Variants in NBAS observed in about 807,000 individuals in gnomAD.
NBAS encodes the protein NAG/BC035112 fusion.
A neutral mutation model predicts 302.5 loss-of-function variants in NBAS; 219 were observed. The observed-to-expected ratio is 0.72, with a 90% CI of 0.65 to 0.81. NBAS has a LOEUF of 0.81. NBAS is among the 30% of genes least tolerant of loss of function. The pLI, the probability that NBAS is intolerant of heterozygous loss-of-function variation, is 0.00. For synonymous variants in NBAS, 1,118 were observed against 1,021.6 expected (o/e 1.09, Z -1.80); for missense variants, 2,932 against 2,841.6 (o/e 1.03, Z -0.72).
rs570613615 is a variant in NBAS, at chr2:15,405,227, T to C, written c.2938-2926A>G. Among the ~76,000 whole-genome samples, 3 of 152,314 alleles carry C rather than the reference T, an allele frequency of 2.0e-5. No individual in the cohort carries two copies. In the East Asian group the frequency reaches 5.8e-4, roughly 29 times the overall value. The stretch of plus-strand genomic sequence containing the variant: ...GCTCAACAGTTGCTAGTCCAGTGAA[T>C]AAGTCCTTATACTACTCTCATACAT... On this transcript the variant is annotated intron_variant, in intron 25 of 51. Transcript: ENST00000281513.
chr2:15,523,779 T>G (rs1472058937), intron 9 of NBAS, among the ~76,000 whole-genome samples: 2 of 152,130 alleles, frequency 1.3e-5, no homozygotes, highest in Non-Finnish European at 2.9e-5. Flanking sequence ...CTGGGCGTGG[T>G]GGTAGACACC....
At chr2:15,299,030 T>C (rs946372783) in intron 40 of NBAS, among the ~76,000 whole-genome samples, 1 of 152,114 alleles carries the variant, frequency 6.6e-6, no homozygotes, top group Non-Finnish European at 1.5e-5. Flanking sequence ...GTGTTCAGAG[T>C]ACACTCAGAC....
the NBAS span, among the ~76,000 whole-genome samples, chr2:14,913,301 T>C: frequency 4.7e-3 from 723 of 152,256 alleles, 8 homozygotes; most frequent in African/African-American, 0.016. Flanking sequence ...AGTTCAGAGC[T>C]TGATGCTCCT....
chr2:15,031,716 G>C, the NBAS span, among the ~76,000 whole-genome samples: 1 of 152,242 alleles, frequency 6.6e-6, no homozygotes, highest in African/African-American at 2.4e-5. Flanking sequence ...TGTGAAATTT[G>C]AAAGGCCTGT....
At chr2:14,968,672 T>G in the NBAS span, among the ~76,000 whole-genome samples, 1 of 152,202 alleles carries the variant, frequency 6.6e-6, no homozygotes, top group African/African-American at 2.4e-5. Context: ...CTCTCTAGGA[T>G]GACTATAATC....
At chr2:15,060,847 T>C in the NBAS span, among the ~76,000 whole-genome samples, 1 of 151,948 alleles carries the variant, frequency 6.6e-6, no homozygotes, top group Non-Finnish European at 1.5e-5. Context: ...ACAAGAGAAA[T>C]AAGGGAGGCA....
intron 21 of NBAS, among the ~76,000 whole-genome samples, chr2:15,455,057 C>G (rs922875417): frequency 3.3e-5 from 5 of 152,080 alleles, no homozygotes; most frequent in Admixed American, 2.0e-4. Context: ...TGTGTGCCAC[C>G]ATGCCCGGCT....
At chr2:15,373,675 C>T (rs1674593037) in intron 31 of NBAS, among the ~76,000 whole-genome samples, 1 of 152,166 alleles carries the variant, frequency 6.6e-6, no homozygotes, top group Non-Finnish European at 1.5e-5. Context: ...TTAGTCAAGC[C>T]ACGTTGGAAA....
At chr2:15,332,050 G>A (rs1672379346) in intron 35 of NBAS, among the ~76,000 whole-genome samples, 1 of 152,180 alleles carries the variant, frequency 6.6e-6, no homozygotes, top group Admixed American at 6.5e-5. Flanking sequence ...TGGCTTTGAA[G>A]AGGAAGAAAG....
the NBAS span, among the ~76,000 whole-genome samples, chr2:14,926,186 C>G: frequency 1.4e-4 from 21 of 152,156 alleles, no homozygotes; most frequent in Admixed American, 2.6e-4. Context: ...TACAGGAGGT[C>G]ATGGAACCAC....
At chr2:15,357,265 C>T (rs1009461262) in intron 32 of NBAS, among the ~76,000 whole-genome samples, 1 of 152,196 alleles carries the variant, frequency 6.6e-6, no homozygotes. Flanking sequence ...CCAACTACAA[C>T]TAGAGACTAC....
the NBAS span, among the ~76,000 whole-genome samples, chr2:15,043,315 C>T: frequency 1.5e-4 from 23 of 152,302 alleles, no homozygotes; most frequent in Middle Eastern, 3.4e-3. Flanking sequence ...CCTAGTCCTG[C>T]TGCCTCCACC....
Position 15,330,029 on chromosome 2 carries a change from A to G in NBAS, c.4347+569T>C, listed in dbSNP as rs114213877. On this transcript the variant is annotated intron_variant, in intron 36 of 51. Transcript: ENST00000281513. ...AGTGATTAGGACATTTGACAGGAAA[A>G]TAATGCCTAATAAGTATTTGCTGAA... 2.3e-3 allele frequency among the ~76,000 whole-genome samples: 358 copies of G among 152,346 alleles called. 1 individual carries two copies. The highest frequency in any genetic ancestry group is 0.01 in the Middle Eastern group (3 of 294).
chr2:15,280,351 A>G (rs946793803), intron 42 of NBAS, among the ~76,000 whole-genome samples: 1 of 152,086 alleles, frequency 6.6e-6, no homozygotes, highest in South Asian at 2.1e-4. Flanking sequence ...AGGAAGGAGG[A>G]GGCAAGAAGG....
At chr2:15,327,899 A>G (rs1672148295) in intron 37 of NBAS, 29 bp from the exon 38 acceptor site, 2 of 1,612,962 alleles carry the variant, frequency 1.2e-6, no homozygotes, top group Non-Finnish European at 1.7e-6. Context: ...TTCACTATCT[A>G]GTAGGGTGCC....
chr2:15,204,621 A>C (rs758313272), intron 48 of NBAS, among the ~76,000 whole-genome samples: 1 of 152,216 alleles, frequency 6.6e-6, no homozygotes, highest in Non-Finnish European at 1.5e-5. Flanking sequence ...AATGTCTACC[A>C]ATGATAGACT....
At chr2:15,058,877 C>T in the NBAS span, among the ~76,000 whole-genome samples, 25 of 152,284 alleles carry the variant, frequency 1.6e-4, no homozygotes, top group Admixed American at 5.2e-4. Flanking sequence ...AGATTAAAGC[C>T]GACCTCCAAG....
At chr2:15,439,122 C>A (rs538179367) in intron 21 of NBAS, among the ~76,000 whole-genome samples, 41 of 151,896 alleles carry the variant, frequency 2.7e-4, no homozygotes, top group South Asian at 8.3e-4. Context: ...GGTGAAACCC[C>A]GTCTCTACTA....
At chr2:14,901,230 C>T in the NBAS span, among the ~76,000 whole-genome samples, 4 of 152,100 alleles carry the variant, frequency 2.6e-5, no homozygotes, top group Non-Finnish European at 5.9e-5. Context: ...TTAGTAGGTG[C>T]TCAATAAAAG....
Sources: allele counts gnomAD v4.1 joint callset (sites outside exome capture counted in the v4.1 genomes callset), GRCh38; gene constraint gnomAD v4.1.1; transcripts MANE v1.5; gene names NCBI Gene and HGNC (gene_info 2026-07-23, HGNC 2026-07-21).